Variants in GCFC2 observed in about 807,000 individuals in gnomAD.
The protein encoded by GCFC2 is intron Large complex component GCFC2.
In GCFC2, 102 loss-of-function variants were observed where a neutral mutation model predicts 99.4. The observed-to-expected ratio is 1.03, with a 90% CI of 0.87 to 1.21. GCFC2 has a LOEUF of 1.21. Among genes scored for constraint, GCFC2 ranks in the 50% most tolerant of loss-of-function variants. The pLI is 0.00. For synonymous variants in GCFC2, 338 were observed against 316.8 expected (o/e 1.07, Z -0.71); for missense variants, 973 against 920.9 (o/e 1.06, Z -0.73).
At chr2:75,672,075 C>T (rs1679114611) in intron 13 of GCFC2, 59 bp from the exon 14 acceptor site, 1 of 884,332 alleles carries the variant, frequency 1.1e-6, no homozygotes, top group East Asian at 2.7e-5. Flanking sequence ...TCTTTCAGAA[C>T]CAGAGTTTAA....
At chr2:75,692,170 T>TCGC (rs1680109909) in intron 6 of GCFC2, 70 bp from the exon 7 acceptor site, 17 of 450,200 alleles carry the variant, frequency 3.8e-5, no homozygotes, top group African/African-American at 3.2e-4. Context: ...TATATATATA[T>TCGC]AAAAGTAATA....
Position 75,702,175 on chromosome 2 carries a change from C to T in GCFC2, c.619+24G>A, listed in dbSNP as rs1680625844. The T allele has an allele frequency of 2.6e-5, 42 of 1,592,038 alleles. No homozygotes were observed. In the East Asian group the frequency reaches 9.2e-4, roughly 35 times the overall value. ...ATATTCTAATAAAAAATATCCTAAT[C>T]TTCATATATTGGTAAATCCATACTT... is the stretch of plus-strand genomic sequence containing the variant. On this transcript the variant is annotated intron_variant, in intron 3 of 16. Coordinates refer to ENST00000321027, the MANE Select transcript of GCFC2 (RefSeq NM_003203.5).
intron 16 of GCFC2, among the ~76,000 whole-genome samples, chr2:75,665,308 G>A (rs1678787216): frequency 6.6e-6 from 1 of 151,998 alleles, no homozygotes; most frequent in East Asian, 1.9e-4. Flanking sequence ...ATGCCACCAT[G>A]CCTAGCTAAT....
intron 10 of GCFC2, among the ~76,000 whole-genome samples, chr2:75,688,462 CT>C (rs965650813): frequency 6.6e-6 from 1 of 151,640 alleles, no homozygotes; most frequent in Non-Finnish European, 1.5e-5. Context: ...GTTCATACTT[CT>C]TTTTTTTTCT....
chr2:75,691,395 A>G (rs991295846), intron 7 of GCFC2, among the ~76,000 whole-genome samples: 4 of 152,138 alleles, frequency 2.6e-5, no homozygotes, highest in African/African-American at 7.2e-5. Context: ...TATTCTATTC[A>G]TATTATTTCT....
chr2:75,673,312 GAAAAA>G (rs377679443), intron 13 of GCFC2, 127 bp downstream of exon 13: 1 of 388,990 alleles, frequency 2.6e-6, no homozygotes, highest in African/African-American at 2.4e-5. Context: ...AGTCTCAAAA[GAAAAA>G]AAAAAAAGAA....
At chr2:75,690,230 A>C in intron 8 of GCFC2, 149 bp from the exon 9 acceptor site, 1 of 588,074 alleles carries the variant, frequency 1.7e-6, no homozygotes, top group Non-Finnish European at 3.0e-6. Flanking sequence ...ATCAGCGCAC[A>C]ATTTTATTAA....
intron 5 of GCFC2, among the ~76,000 whole-genome samples, chr2:75,694,975 T>C (rs1024806961): frequency 1.3e-5 from 2 of 152,108 alleles, no homozygotes; most frequent in African/African-American, 2.4e-5. Context: ...TCCTTTCCAC[T>C]GGTTATTTTA....
At chr2:75,697,836 G>A (rs1484767496) in intron 4 of GCFC2, 3 of 152,724 alleles carry the variant, frequency 2.0e-5, no homozygotes, top group African/African-American at 7.2e-5. Context: ...AAAGAGAGAT[G>A]TGGCCACAAG....
At chr2:75,672,291 ATATATATT>A (rs1399917625) in intron 13 of GCFC2, among the ~76,000 whole-genome samples, 29 of 123,470 alleles carry the variant, frequency 2.3e-4, no homozygotes, top group African/African-American at 8.9e-4. Context: ...TGTTTATAAA[ATATATATT>A]TATATATTTA....
chr2:75,710,733 C>A lies in GCFC2; in HGVS notation c.123G>T (p.Ala41=), dbSNP rs1161087594. Residue 41 remains alanine (A), a synonymous_variant, in exon 1 of 17, where the codon GCG becomes GCT. Coordinates refer to ENST00000321027, the MANE Select transcript of GCFC2 (RefSeq NM_003203.5). The part of the protein sequence containing the change: ...APRELPVPGS[A]EEEPPSGGGR... ...CTCCTCCAGAGGGCGGCTCTTCCTC[C>A]GCAGAACCCGGGACCGGAAGTTCCC... 1 of 1,558,654 alleles carries A rather than the reference C, an allele frequency of 6.4e-7. No homozygotes were observed. Among genetic ancestry groups the A allele is most frequent in the South Asian group, 1.2e-5 (1 of 84,722 alleles).
chr2:75,683,771 C>CAAAAAAAAAAAAAAAAAAAAAAAAAAAA (rs749580096), intron 11 of GCFC2, among the ~76,000 whole-genome samples: 1 of 60,422 alleles, frequency 1.7e-5, no homozygotes, highest in Non-Finnish European at 3.1e-5. Flanking sequence ...AAATGGAAAG[C>CAAAAAAAAAAAAAAAAAAAAAAAAAAAA]AAAAAAAAAA....
intron 11 of GCFC2, among the ~76,000 whole-genome samples, chr2:75,687,197 A>C (rs1679858010): frequency 6.6e-6 from 1 of 152,130 alleles, no homozygotes; most frequent in Non-Finnish European, 1.5e-5. Flanking sequence ...TGGCCTCCTA[A>C]AGTTCCAGGA....
chr2:75,711,023 T>C, upstream of GCFC2: 1 of 1,333,932 alleles, frequency 7.5e-7, no homozygotes, highest in Non-Finnish European at 9.5e-7. Context: ...GTGCTTTGGC[T>C]CCCTGGATCT....
chr2:75,669,470 AG>A (rs1209792544), intron 15 of GCFC2, among the ~76,000 whole-genome samples: 3 of 152,190 alleles, frequency 2.0e-5, no homozygotes, highest in Non-Finnish European at 4.4e-5. Context: ...TAAGTTTAGA[AG>A]GAACTCCCTC....
chr2:75,671,628 TC>T (rs1266237506), intron 14 of GCFC2, among the ~76,000 whole-genome samples: 3 of 152,168 alleles, frequency 2.0e-5, no homozygotes, highest in African/African-American at 7.2e-5. Context: ...TTTTATAGGG[TC>T]CGTGAGCTAA....
chr2:75,688,011 T>C (rs762685499), intron 10 of GCFC2, 34 bp from the exon 11 acceptor site: 1 of 1,282,158 alleles, frequency 7.8e-7, no homozygotes, highest in East Asian at 2.3e-5. Flanking sequence ...TATAAAGAAA[T>C]CTTTCAACAT....
At chr2:75,678,868 A>AT (rs1295372560) in intron 12 of GCFC2, among the ~76,000 whole-genome samples, 1 of 151,980 alleles carries the variant, frequency 6.6e-6, no homozygotes, top group Non-Finnish European at 1.5e-5. Flanking sequence ...GCTAATTTTT[A>AT]TTTTTTTGGT....
intron 7 of GCFC2, 121 bp from the exon 8 acceptor site, chr2:75,690,840 G>A: frequency 1.7e-6 from 1 of 583,306 alleles, no homozygotes; most frequent in Admixed American, 3.3e-5. Flanking sequence ...ACATAAATAT[G>A]CTTAAATTTT....
Sources: gnomAD v4.1 joint callset for allele counts (sites outside exome capture counted in the v4.1 genomes callset) on GRCh38, gnomAD v4.1.1 for gene constraint, MANE v1.5 for transcripts, NCBI Gene and HGNC (gene_info 2026-07-23, HGNC 2026-07-21) for gene names.